The following DCAF8L2 variants were observed in gnomAD, a reference collection of about 807,000 sequenced individuals.
DCAF8L2 encodes DDB1- and CUL4-associated factor 8-like protein 2.
For missense variants in DCAF8L2, 430 were observed against 490.7 expected (o/e 0.88, Z 1.17); for synonymous variants, 200 against 190.9 (o/e 1.05, Z -0.39).
intron 3 of DCAF8L2, among the ~76,000 whole-genome samples, chrX:27,681,235 C>T (rs1021714705): frequency 1.8e-5 from 2 of 110,637 alleles, no homozygotes; most frequent in Non-Finnish European, 3.8e-5. Flanking sequence ...AAACACACAC[C>T]CCACATGTTA....
rs1184671794 is a variant in DCAF8L2, at chrX:27,709,887, T to C, written c.-142-6201T>C. 3.6e-5 allele frequency among the ~76,000 whole-genome samples: 4 copies of C among 111,732 alleles called. No homozygotes were observed. The South Asian group carries it at 1.1e-3, about 31-fold the overall frequency. ...AATGTGGGAAATGCCCAATTATTTT[T>C]TTTTGCTTTATGATTATGCTTTTTG... is the stretch of plus-strand genomic sequence containing the variant. On this transcript the variant is annotated intron_variant, in intron 3 of 4. Coordinates refer to ENST00000451261, the MANE Select transcript of DCAF8L2 (RefSeq NM_001353450.2).
chrX:27,589,113 T>C (rs981981495), upstream of DCAF8L2, among the ~76,000 whole-genome samples: 4 of 109,915 alleles, frequency 3.6e-5, no homozygotes, highest in African/African-American at 1.3e-4. Context: ...CATTTAGTGG[T>C]AGAGATCCAT....
intron 1 of DCAF8L2, among the ~76,000 whole-genome samples, chrX:27,612,993 A>C (rs1474668078): frequency 8.9e-6 from 1 of 111,814 alleles, no homozygotes; most frequent in Non-Finnish European, 1.9e-5. Context: ...CAAGAAAGTC[A>C]TTGGTAGCTT....
At chrX:27,709,271 C>A (rs1026460614) in intron 3 of DCAF8L2, among the ~76,000 whole-genome samples, 3 of 112,632 alleles carry the variant, frequency 2.7e-5, no homozygotes, top group East Asian at 2.8e-4. Context: ...AGATTCTGGG[C>A]TAGTTCTCTT....
intron 4 of DCAF8L2, among the ~76,000 whole-genome samples, chrX:27,731,935 C>G (rs1253098453): frequency 9.0e-6 from 1 of 111,682 alleles, no homozygotes; most frequent in Non-Finnish European, 1.9e-5. Flanking sequence ...TGTTATACAG[C>G]TTGCCCAAGA....
chrX:27,527,920 G>T, the DCAF8L2 span, among the ~76,000 whole-genome samples: 1 of 102,438 alleles, frequency 9.8e-6, no homozygotes, highest in African/African-American at 3.4e-5. Flanking sequence ...CCAAAGTGCT[G>T]GGATTACAGG....
At chrX:27,720,549 A>G (rs1028721874) in intron 4 of DCAF8L2, among the ~76,000 whole-genome samples, 28 of 110,212 alleles carry the variant, frequency 2.5e-4, no homozygotes, top group Non-Finnish European at 5.3e-4. Context: ...AATTTTTTGT[A>G]TTTTTAGTAG....
intron 4 of DCAF8L2, among the ~76,000 whole-genome samples, chrX:27,727,463 G>T (rs996396376): frequency 4.5e-5 from 5 of 111,109 alleles, no homozygotes; most frequent in South Asian, 3.7e-4. Flanking sequence ...TCATTTGAAT[G>T]TCCTTATGTG....
chrX:27,509,360 TG>T, the DCAF8L2 span, among the ~76,000 whole-genome samples: 1 of 111,769 alleles, frequency 8.9e-6, no homozygotes, highest in Non-Finnish European at 1.9e-5. Context: ...ATGAGTTATT[TG>T]TAAGGATTTG....
At chrX:27,715,052 A>G (rs779692566) in intron 3 of DCAF8L2, among the ~76,000 whole-genome samples, 45 of 111,435 alleles carry the variant, frequency 4.0e-4, no homozygotes, top group African/African-American at 1.3e-3. Context: ...ACAGTGTACA[A>G]TAATTTGTAG....
the DCAF8L2 span, among the ~76,000 whole-genome samples, chrX:27,514,263 GCATATGTGCA>G: frequency 0.082 from 3,039 of 37,147 alleles, 262 homozygotes; most frequent in African/African-American, 0.13. Flanking sequence ...ATATATGTGT[GCATATGTGCA>G]CATATGTACA....
chrX:27,489,084 T>A, the DCAF8L2 span, among the ~76,000 whole-genome samples: 6 of 111,373 alleles, frequency 5.4e-5, no homozygotes, highest in Admixed American at 1.9e-4. Context: ...CTGCAAAAAA[T>A]TCAAATAGGT....
chrX:27,525,238 G>T, the DCAF8L2 span, among the ~76,000 whole-genome samples: 1 of 111,800 alleles, frequency 8.9e-6, no homozygotes, highest in Non-Finnish European at 1.9e-5. Flanking sequence ...TATATATTTA[G>T]GATAGTTAGC....
chrX:27,649,449 C>G (rs745380948), intron 2 of DCAF8L2, among the ~76,000 whole-genome samples: 1 of 112,183 alleles, frequency 8.9e-6, no homozygotes, highest in Admixed American at 9.5e-5. Flanking sequence ...GTTTCCTTTT[C>G]TCTGCAGCCT....
intron 1 of DCAF8L2, among the ~76,000 whole-genome samples, chrX:27,618,536 A>T (rs1325374494): frequency 8.9e-6 from 1 of 111,800 alleles, no homozygotes; most frequent in Non-Finnish European, 1.9e-5. Context: ...TTAGACATAG[A>T]CGCTTCTCCA....
chrX:27,587,857 C>G (rs965995132), upstream of DCAF8L2, among the ~76,000 whole-genome samples: 1 of 109,034 alleles, frequency 9.2e-6, no homozygotes, highest in Admixed American at 9.8e-5. Context: ...TCTCCCCATT[C>G]ATCCAGCATG....
At chrX:27,710,088 T>C (rs1001916826) in intron 3 of DCAF8L2, among the ~76,000 whole-genome samples, 1 of 111,655 alleles carries the variant, frequency 9.0e-6, no homozygotes, top group African/African-American at 3.3e-5. Flanking sequence ...TCAAACGTAG[T>C]TGAAGATTCT....
chrX:27,704,212 ACGCG>A, intron 3 of DCAF8L2, among the ~76,000 whole-genome samples: 1 of 99,070 alleles, frequency 1.0e-5, no homozygotes, highest in Non-Finnish European at 2.0e-5. Flanking sequence ...ACATGTACAC[ACGCG>A]CGCACATGTG....
intron 3 of DCAF8L2, among the ~76,000 whole-genome samples, chrX:27,709,645 T>C (rs941058905): frequency 8.9e-6 from 1 of 111,809 alleles, no homozygotes; most frequent in Non-Finnish European, 1.9e-5. Flanking sequence ...TAGCAAATCT[T>C]AATTCCATCT....
Sources: allele counts gnomAD v4.1 joint callset (sites outside exome capture counted in the v4.1 genomes callset), GRCh38; gene constraint gnomAD v4.1.1; transcripts MANE v1.5; gene names NCBI Gene and HGNC (gene_info 2026-07-23, HGNC 2026-07-21).